The following ZNF91 variants were observed in gnomAD, a reference collection of about 807,000 sequenced individuals.
ZNF91 encodes the protein zinc finger protein 91.
ZNF91 carries 7 observed loss-of-function variants against 12.6 expected under a neutral mutation model. The observed-to-expected ratio is 0.55, with a 90% CI of 0.31 to 1.04. The LOEUF is 1.04. Ranked by LOEUF, ZNF91 falls within the 50% of genes least tolerant of loss-of-function variation. The pLI, the probability that ZNF91 is intolerant of heterozygous loss-of-function variation, is 0.05. For synonymous variants in ZNF91, 453 were observed against 462.6 expected (o/e 0.98, Z 0.27); for missense variants, 1,217 against 1,385.4 (o/e 0.88, Z 1.93).
downstream of ZNF91, among the ~76,000 whole-genome samples, chr19:23,353,714 C>T (rs538362228): frequency 6.6e-6 from 1 of 151,814 alleles, no homozygotes; most frequent in Non-Finnish European, 1.5e-5. Flanking sequence ...CAAGATTAAC[C>T]AAGAAGAGAG....
chr19:23,366,608 CT>C (rs796937820), intron 3 of ZNF91, among the ~76,000 whole-genome samples: 25 of 152,270 alleles, frequency 1.6e-4, no homozygotes, highest in African/African-American at 6.0e-4. Context: ...TGTCAGCAAG[CT>C]TACAATCACG....
At chr19:23,376,571 T>A (rs189335622) in intron 1 of ZNF91, among the ~76,000 whole-genome samples, 1 of 152,058 alleles carries the variant, frequency 6.6e-6, no homozygotes, top group Non-Finnish European at 1.5e-5. Context: ...GTATTTTTTG[T>A]AGAGACAGGG....
chr19:23,343,854 T>G (rs906961672), intron 3 of ZNF91, among the ~76,000 whole-genome samples: 2 of 152,208 alleles, frequency 1.3e-5, no homozygotes, highest in Non-Finnish European at 2.9e-5. Flanking sequence ...AACCTGACAC[T>G]TAGCATGACA....
chr19:23,359,466 GC>G lies in ZNF91; in HGVS notation c.3512del (p.Gly1171AlafsTer16), dbSNP rs1177167076. ...TCTCCATCTCCTGACCTCGTGATCC[GC>G]CCGCCTCGGCCTCCCAAAGTAGTGG... ...VIPLLWEAEA[G>X]GSRGQEMETI... On this transcript the variant is annotated frameshift_variant, in exon 4 of 4. Coordinates refer to ENST00000300619, the MANE Select transcript of ZNF91 (RefSeq NM_003430.4). LOFTEE classifies it low-confidence loss of function (END_TRUNC). 9 of 1,574,128 alleles carry G rather than the reference GC, an allele frequency of 5.7e-6. No individual in the cohort carries two copies. The highest frequency in any genetic ancestry group is 7.9e-6 in the Non-Finnish European group (9 of 1,145,748).
chr19:23,347,243 C>T (rs1005507645), intron 3 of ZNF91, among the ~76,000 whole-genome samples: 2 of 152,168 alleles, frequency 1.3e-5, no homozygotes, highest in African/African-American at 4.8e-5. Flanking sequence ...TTTAAATTCT[C>T]ATTATGCGTT....
chr19:23,324,485 T>C (rs569706059), intron 1 of ZNF91: 5 of 151,514 alleles, frequency 3.3e-5, no homozygotes, highest in Admixed American at 2.6e-4. Flanking sequence ...TTTTGGAGGA[T>C]AGTACTAATC....
chr19:23,351,634 A>G (rs911681898), intron 3 of ZNF91, among the ~76,000 whole-genome samples: 4 of 152,250 alleles, frequency 2.6e-5, no homozygotes, highest in Admixed American at 6.5e-5. Flanking sequence ...CACTTATCTA[A>G]GAATCAACCA....
downstream of ZNF91, among the ~76,000 whole-genome samples, chr19:23,336,921 A>G (rs1216803431): frequency 1.3e-5 from 2 of 152,072 alleles, no homozygotes; most frequent in Non-Finnish European, 2.9e-5. Flanking sequence ...ATGTCATGGG[A>G]AACATTTATA....
chr19:23,330,825 T>A (rs1261442183), intron 1 of ZNF91, among the ~76,000 whole-genome samples: 1 of 152,226 alleles, frequency 6.6e-6, no homozygotes, highest in African/African-American at 2.4e-5. Flanking sequence ...CTTAAGGTAC[T>A]CTACAAATAA....
Position 23,332,588 on chromosome 19 carries a change from CCT to C in ZNF91, n.117-23493_117-23492del, listed in dbSNP as rs773873678. On this transcript the variant is annotated intron_variant and non_coding_transcript_variant, in intron 1 of 1. Transcript: ENST00000596528. ...AAAATCTCCTGTGTGCAGAGTTCTC[CCT>C]GTTAGGCACATCAAGCGAAAAGATG... Among the ~76,000 whole-genome samples the C allele has an allele frequency of 3.2e-4, 49 of 152,234 alleles. 2 individuals are homozygous for C. The Middle Eastern group carries it at 0.014, about 42-fold the overall frequency.
chr19:23,327,694 A>G (rs1451372061), intron 1 of ZNF91: 1 of 152,208 alleles, frequency 6.6e-6, no homozygotes, highest in Non-Finnish European at 1.5e-5. Context: ...TACAGAAAAT[A>G]GATTTTTTTA....
At chr19:23,380,676 C>T (rs1400826945) in intron 1 of ZNF91, 1 of 152,074 alleles carries the variant, frequency 6.6e-6, no homozygotes, top group Non-Finnish European at 1.5e-5. Context: ...GAAAATATTC[C>T]TCTAAAAATA....
At chr19:23,369,851 A>G (rs1367459113) in intron 3 of ZNF91, among the ~76,000 whole-genome samples, 1 of 151,480 alleles carries the variant, frequency 6.6e-6, no homozygotes, top group East Asian at 1.9e-4. Flanking sequence ...TCAAGTACCC[A>G]GGGACACAAA....
At chr19:23,321,346 C>T (rs1967690276) in intron 1 of ZNF91, among the ~76,000 whole-genome samples, 1 of 152,146 alleles carries the variant, frequency 6.6e-6, no homozygotes, top group Admixed American at 6.5e-5. Flanking sequence ...TCTCTCCTAC[C>T]TTGGTGCTGC....
rs757058966 is a variant in ZNF91 at position 23,361,290 on chromosome 19, T to C, written c.1689A>G (p.Thr563=). Residue 563 remains threonine (T), a synonymous_variant, in exon 4 of 4, where the codon ACA becomes ACG. Coordinates refer to ENST00000300619, the MANE Select transcript of ZNF91 (RefSeq NM_003430.4). ...TCTTTCCAGCATGAATTATTTTATG[T>C]GTAGTAAGGGTTGAGAATTGCTTAA... ...KAFKQFSTLT[T]HKIIHAGKKL... 20 of 1,613,520 alleles carry C rather than the reference T, an allele frequency of 1.2e-5. No individual in the cohort carries two copies. Among genetic ancestry groups the C allele is most frequent in the East Asian group, 2.2e-5 (1 of 44,808 alleles).
At chr19:23,350,101 T>C (rs559654903) in intron 3 of ZNF91, among the ~76,000 whole-genome samples, 1 of 152,340 alleles carries the variant, frequency 6.6e-6, no homozygotes, top group African/African-American at 2.4e-5. Context: ...CAGCAATTTA[T>C]CAAAACAGGC....
chr19:23,315,808 G>A (rs1041458696), intron 1 of ZNF91, among the ~76,000 whole-genome samples: 6 of 152,102 alleles, frequency 3.9e-5, no homozygotes, highest in Admixed American at 3.3e-4. Context: ...TGACACTTCT[G>A]TCTAGGCCTT....
downstream of ZNF91, among the ~76,000 whole-genome samples, chr19:23,355,677 T>G (rs1968467936): frequency 6.6e-6 from 1 of 152,110 alleles, no homozygotes; most frequent in African/African-American, 2.4e-5. Context: ...ACTCACACAG[T>G]GGGAGAAAAT....
chr19:23,329,161 AAAGAT>A (rs546753653), intron 1 of ZNF91: 18 of 152,350 alleles, frequency 1.2e-4, no homozygotes, highest in African/African-American at 4.3e-4. Context: ...AATGCAAAGA[AAAGAT>A]TTCTTGTAGA....
Sources: gnomAD v4.1 joint callset for allele counts (sites outside exome capture counted in the v4.1 genomes callset) on GRCh38, gnomAD v4.1.1 for gene constraint, MANE v1.5 for transcripts, NCBI Gene and HGNC (gene_info 2026-07-23, HGNC 2026-07-21) for gene names.